The following SPTSSA variants were observed in gnomAD, a reference collection of about 807,000 sequenced individuals.
SPTSSA encodes small subunit of serine palmitoyltransferase A.
A neutral mutation model predicts 9.1 loss-of-function variants in SPTSSA; 8 were observed. The ratio of observed to expected loss-of-function variants is 0.88; its 90% confidence interval spans 0.51 to 1.58. SPTSSA has a LOEUF of 1.58. SPTSSA is among the 40% of genes most tolerant of loss of function. The pLI is 0.00. For missense variants in SPTSSA, 100 were observed against 93.8 expected (o/e 1.07, Z -0.27); for synonymous variants, 42 against 37.7 (o/e 1.11, Z -0.41).
At chr14:34,458,737 C>T (rs1044093697) in intron 1 of SPTSSA, among the ~76,000 whole-genome samples, 1 of 149,780 alleles carries the variant, frequency 6.7e-6, no homozygotes, top group Non-Finnish European at 1.5e-5. Flanking sequence ...ACCGCCACCG[C>T]GCCCGGCCAA....
chr14:34,453,080 A>G (rs1883556345), intron 1 of SPTSSA, among the ~76,000 whole-genome samples: 1 of 152,200 alleles, frequency 6.6e-6, no homozygotes, highest in African/African-American at 2.4e-5. Flanking sequence ...AATACATATA[A>G]CATACAAAAT....
chr14:34,437,142 T>TA (rs1883253529), intron 1 of SPTSSA, among the ~76,000 whole-genome samples: 1 of 152,150 alleles, frequency 6.6e-6, no homozygotes, highest in South Asian at 2.1e-4. Context: ...CCTTTCCATT[T>TA]ATGCCTGTAG....
At chr14:34,458,625 T>C (rs1484238705) in intron 1 of SPTSSA, among the ~76,000 whole-genome samples, 2 of 149,062 alleles carry the variant, frequency 1.3e-5, no homozygotes, top group East Asian at 3.9e-4. Flanking sequence ...GCCTCCCGAG[T>C]AGCTGGGACT....
In SPTSSA at chr14:34,451,159, C is replaced by T. The variant is rs537795985; in HGVS notation, c.112+10937G>A. The stretch of plus-strand genomic sequence containing the variant: ...ACCATAGCAACTAACATTTCCTGTT[C>T]CAATCAGTAACTCTAAACTATCATC... On this transcript the variant is annotated intron_variant, in intron 1 of 1. Coordinates refer to ENST00000298130, the MANE Select transcript of SPTSSA (RefSeq NM_138288.4). Among the ~76,000 whole-genome samples the T allele has an allele frequency of 7.2e-5, 11 of 151,978 alleles. No individual in the cohort carries two copies. The South Asian group carries it at 1.7e-3, about 23-fold the overall frequency.
intron 1 of SPTSSA, among the ~76,000 whole-genome samples, chr14:34,446,310 C>T (rs138629624): frequency 1.2e-4 from 19 of 152,248 alleles, no homozygotes; most frequent in African/African-American, 4.3e-4. Context: ...AAGATAGCAT[C>T]CTTGATGTGA....
chr14:34,442,104 G>A (rs181003407), intron 1 of SPTSSA, among the ~76,000 whole-genome samples: 10 of 152,208 alleles, frequency 6.6e-5, no homozygotes, highest in Non-Finnish European at 1.2e-4. Context: ...TCAAACTCCT[G>A]ACCTCAGGCA....
In SPTSSA at chr14:34,455,889, G is replaced by A. The variant is rs566664958; in HGVS notation, c.112+6207C>T. 1.1e-4 allele frequency among the ~76,000 whole-genome samples: 17 copies of A among 151,820 alleles called. No individual in the cohort carries two copies. In the East Asian group the frequency reaches 3.1e-3, roughly 28 times the overall value. ...AGAGGTTGCAGTGAGCTGAGATCAT[G>A]CCAGTGTACTCCAGCCTGGGCAACA... On this transcript the variant is annotated intron_variant, in intron 1 of 1. Transcript: ENST00000298130.
chr14:34,437,896 G>C (rs1007820644), intron 1 of SPTSSA, among the ~76,000 whole-genome samples: 11 of 152,054 alleles, frequency 7.2e-5, no homozygotes, highest in African/African-American at 2.7e-4. Context: ...GACCTCCCAG[G>C]CTCAGGCAAT....
Position 34,434,472 on chromosome 14 carries a change from C to T in SPTSSA, c.*729G>A, listed in dbSNP as rs1883207959. 1 of 152,592 alleles carries T rather than the reference C, an allele frequency of 6.6e-6. No homozygotes were observed. Among genetic ancestry groups the T allele is most frequent in the South Asian group, 2.1e-4 (1 of 4,834 alleles). The allele number at this position is 152,592 out of a possible 1,614,324, so 9.5% of individuals were successfully genotyped here. ...GGTATATAAGCATTACATAATAATG[C>T]TACTTAACCACCTTTTGTCTCAAGA... On this transcript the variant is annotated 3_prime_UTR_variant, in exon 2 of 2. Transcript: ENST00000298130.
intron 1 of SPTSSA, among the ~76,000 whole-genome samples, chr14:34,452,369 T>C (rs924609006): frequency 2.6e-5 from 4 of 152,172 alleles, no homozygotes; most frequent in Non-Finnish European, 5.9e-5. Context: ...TATTATACTG[T>C]CACAGTCCTC....
intron 1 of SPTSSA, among the ~76,000 whole-genome samples, chr14:34,453,169 G>A: frequency 6.6e-6 from 1 of 152,222 alleles, no homozygotes; most frequent in East Asian, 1.9e-4. Flanking sequence ...GGAGTCAAAA[G>A]TTGTACACAG....
intron 1 of SPTSSA, among the ~76,000 whole-genome samples, chr14:34,456,948 A>AATTATTATT (rs201859323): frequency 0.13 from 19,306 of 146,102 alleles, 1,422 homozygotes; most frequent in East Asian, 0.25. Context: ...TTCTGATTCA[A>AATTATTATT]ATTATTATTA....
chr14:34,451,455 A>G lies in SPTSSA; in HGVS notation c.112+10641T>C, dbSNP rs188555385. Among the ~76,000 whole-genome samples the G allele has an allele frequency of 3.8e-3, 578 of 152,274 alleles. 2 individuals carry two copies. Among genetic ancestry groups the G allele is most frequent in the East Asian group, 0.02 (104 of 5,186 alleles). On this transcript the variant is annotated intron_variant, in intron 1 of 1. Transcript: ENST00000298130. The stretch of plus-strand genomic sequence containing the variant: ...AAATCAATTCTAGGCTGGGCGCGGT[A>G]GCTCACACCTGTAATCCCAGCACTT...
chr14:34,437,616 G>A (rs1230195218), intron 1 of SPTSSA, among the ~76,000 whole-genome samples: 1 of 152,168 alleles, frequency 6.6e-6, no homozygotes, highest in Admixed American at 6.5e-5. Context: ...ACAATATGCA[G>A]CTTGCTGATG....
intron 1 of SPTSSA, among the ~76,000 whole-genome samples, chr14:34,457,758 G>C (rs944513853): frequency 6.6e-6 from 1 of 152,016 alleles, no homozygotes; most frequent in African/African-American, 2.4e-5. Context: ...GATCACTTGA[G>C]GTCAGGAGTT....
At chr14:34,438,444 G>A (rs1883272759) in intron 1 of SPTSSA, among the ~76,000 whole-genome samples, 2 of 152,070 alleles carry the variant, frequency 1.3e-5, no homozygotes, top group African/African-American at 2.4e-5. Context: ...TTCATTTTCA[G>A]ATTAGGGATG....
At chr14:34,437,440 T>A (rs1447232838) in intron 1 of SPTSSA, among the ~76,000 whole-genome samples, 1 of 152,242 alleles carries the variant, frequency 6.6e-6, no homozygotes, top group Non-Finnish European at 1.5e-5. Context: ...ATAGCAGCCA[T>A]GCCCTTTTGG....
intron 1 of SPTSSA, among the ~76,000 whole-genome samples, chr14:34,461,359 G>A (rs1878611547): frequency 6.6e-6 from 1 of 152,168 alleles, no homozygotes; most frequent in Non-Finnish European, 1.5e-5. Flanking sequence ...CAGACAACGT[G>A]CTTTGCACAA....
chr14:34,462,235 C>T lies in SPTSSA; in HGVS notation c.-28G>A, dbSNP rs763087021. On this transcript the variant is annotated 5_prime_UTR_variant, in exon 1 of 2. Transcript: ENST00000298130. The stretch of plus-strand genomic sequence containing the variant: ...GCCTCCCGCGATGCAGCTCACACGT[C>T]AGTCTGTCCGGCCGGCCGCCCGCTC... 6.8e-7 allele frequency: 1 copy of T among 1,472,368 alleles called. No individual in the cohort carries two copies. The highest frequency in any genetic ancestry group is 9.1e-7 in the Non-Finnish European group (1 of 1,094,592). 91.2% of individuals were successfully genotyped at this position (1,472,368 alleles called of 1,614,324 possible).
Sources: gnomAD v4.1 joint callset for allele counts (sites outside exome capture counted in the v4.1 genomes callset) on GRCh38, gnomAD v4.1.1 for gene constraint, MANE v1.5 for transcripts, NCBI Gene and HGNC (gene_info 2026-07-23, HGNC 2026-07-21) for gene names.